FNIP1: variants seen among roughly 807,000 people sequenced by gnomAD.
FNIP1 encodes folliculin-interacting protein 1.
In FNIP1, 40 loss-of-function variants were observed where a neutral mutation model predicts 124.5. The observed-to-expected ratio is 0.32, with a 90% CI of 0.25 to 0.42. FNIP1 has a LOEUF of 0.42. Among genes scored for constraint, FNIP1 ranks in the 10% least tolerant of loss-of-function variants. The pLI is 1.00. For missense variants in FNIP1, 1,176 were observed against 1,403.7 expected (o/e 0.84, Z 2.59); for synonymous variants, 472 against 470.6 (o/e 1.00, Z -0.04).
At position 131,709,257 on chromosome 5, in the gene FNIP1, A is replaced by G. The variant is rs757222872; in HGVS notation, c.722T>C (p.Met241Thr). ...ASFFAVHSNP[M>T]DMPGRELNED... ...ATTGAGCTCTCTTCCAGGCATGTCC[A>G]TTGGGTTGCTGTGAACTATAAATAA... Residue 241 changes from methionine (M) to threonine (T), a missense_variant, in exon 8 of 18, where the codon ATG becomes ACG. Physicochemically the swap from Met to Thr is moderately conservative, Grantham distance 81 (BLOSUM62 -1). Transcript: ENST00000510461. 1 of 1,614,030 alleles carries G rather than the reference A, an allele frequency of 6.2e-7. No homozygotes were observed. The highest frequency in any genetic ancestry group is 1.1e-5 in the South Asian group (1 of 91,088).
At chr5:131,731,902 G>A (rs760750764) in intron 2 of FNIP1, among the ~76,000 whole-genome samples, 1 of 152,120 alleles carries the variant, frequency 6.6e-6, no homozygotes, top group Non-Finnish European at 1.5e-5. Flanking sequence ...AAGGAGAAAT[G>A]CAAATGAGAC....
intron 1 of FNIP1, among the ~76,000 whole-genome samples, chr5:131,767,999 G>T (rs1771496849): frequency 6.6e-6 from 1 of 152,046 alleles, no homozygotes; most frequent in South Asian, 2.1e-4. Context: ...TCTAGTGACT[G>T]TAATTTACAT....
Position 131,647,224 on chromosome 5 carries a change from C to G in FNIP1, c.3307-19G>C, listed in dbSNP as rs1580723276. ...TTACACACTGCAGTTAGGGAGGAAC[C>G]AAGAACCAGGTCAGAAAACAGTTTG... On this transcript the variant is annotated intron_variant, in intron 16 of 17. Transcript: ENST00000510461. 6.3e-7 allele frequency: 1 copy of G among 1,589,806 alleles called. No individual in the cohort carries two copies. The highest frequency in any genetic ancestry group is 2.2e-5 in the East Asian group (1 of 44,718).
chr5:131,784,283 G>A (rs185982651), intron 1 of FNIP1, among the ~76,000 whole-genome samples: 23 of 152,062 alleles, frequency 1.5e-4, no homozygotes, highest in South Asian at 8.3e-4. Context: ...CAAAGAAAAC[G>A]AAACACAAAA....
intron 7 of FNIP1, 68 bp from the exon 8 acceptor site, chr5:131,709,340 T>C: frequency 7.4e-7 from 1 of 1,349,166 alleles, no homozygotes; most frequent in Non-Finnish European, 1.1e-6. Context: ...CAGCTCCTTT[T>C]AAATAGCAAA....
intron 14 of FNIP1, 109 bp from the exon 15 acceptor site, chr5:131,670,740 T>C (rs935252335): frequency 1.3e-6 from 1 of 741,294 alleles, no homozygotes; most frequent in Non-Finnish European, 2.0e-6. Flanking sequence ...CTAGTCTGTA[T>C]TAAAATCAAG....
In FNIP1 at chr5:131,733,650, A is replaced by G. The variant is rs1290619748; in HGVS notation, c.220-2612T>C. 3.3e-5 allele frequency among the ~76,000 whole-genome samples: 5 copies of G among 152,198 alleles called. No individual in the cohort carries two copies. The East Asian group carries it at 5.8e-4, about 18-fold the overall frequency. On this transcript the variant is annotated intron_variant, in intron 2 of 17. Coordinates refer to ENST00000510461, the MANE Select transcript of FNIP1 (RefSeq NM_133372.3). The stretch of plus-strand genomic sequence containing the variant: ...TTACATTTATTGATTTGCGTATGTT[A>G]AACCAGCCTTGCATCCCAGGGATGA...
chr5:131,720,375 C>A (rs1313609632), intron 3 of FNIP1, among the ~76,000 whole-genome samples: 1 of 152,108 alleles, frequency 6.6e-6, no homozygotes, highest in Non-Finnish European at 1.5e-5. Flanking sequence ...CATGTATGAC[C>A]TGAAACTGTA....
At chr5:131,739,812 CAAAAAAAAAAA>C (rs60928249) in intron 2 of FNIP1, among the ~76,000 whole-genome samples, 28 of 31,378 alleles carry the variant, frequency 8.9e-4, no homozygotes, top group African/African-American at 2.6e-3. Context: ...GACTCCAGCT[CAAAAAAAAAAA>C]AAAAAAAAAA....
At chr5:131,694,956 T>C (rs1029989790) in intron 11 of FNIP1, among the ~76,000 whole-genome samples, 7 of 151,850 alleles carry the variant, frequency 4.6e-5, no homozygotes, top group Non-Finnish European at 1.0e-4. Context: ...AATATAAAAA[T>C]TGGCTGGGTG....
chr5:131,695,376 A>G (rs1471529709), intron 11 of FNIP1, among the ~76,000 whole-genome samples: 1 of 152,188 alleles, frequency 6.6e-6, no homozygotes, highest in Non-Finnish European at 1.5e-5. Flanking sequence ...AATAGACAAT[A>G]TAAGAGATAG....
intron 2 of FNIP1, among the ~76,000 whole-genome samples, chr5:131,739,837 A>AAG (rs1561683746): frequency 3.3e-5 from 5 of 150,244 alleles, no homozygotes; most frequent in African/African-American, 1.2e-4. Flanking sequence ...AAAAAAAAAA[A>AAG]CACTGTTTTA....
chr5:131,735,805 G>A (rs1043933876), intron 2 of FNIP1, among the ~76,000 whole-genome samples: 56 of 149,738 alleles, frequency 3.7e-4, no homozygotes, highest in Non-Finnish European at 6.6e-4. Flanking sequence ...ACACTTAAGG[G>A]AATGTGTGTG....
intron 11 of FNIP1, among the ~76,000 whole-genome samples, chr5:131,693,180 G>C (rs1241627619): frequency 1.4e-5 from 2 of 147,024 alleles, no homozygotes; most frequent in Non-Finnish European, 3.0e-5. Flanking sequence ...TAAATAGCTT[G>C]ATTTAGCCAT....
chr5:131,677,337 T>G (rs1767941034), intron 13 of FNIP1, among the ~76,000 whole-genome samples: 1 of 152,218 alleles, frequency 6.6e-6, no homozygotes, highest in Non-Finnish European at 1.5e-5. Context: ...GAAACCTCAG[T>G]GAATTGCTTC....
At chr5:131,701,683 C>T (rs893654389) in intron 10 of FNIP1, among the ~76,000 whole-genome samples, 2 of 152,124 alleles carry the variant, frequency 1.3e-5, no homozygotes, top group African/African-American at 4.8e-5. Flanking sequence ...GAGATACATC[C>T]TTTCCTTTCT....
chr5:131,657,725 T>G (rs1190290891), intron 15 of FNIP1, among the ~76,000 whole-genome samples: 2 of 22,554 alleles, frequency 8.9e-5, no homozygotes, highest in Admixed American at 5.8e-4. Context: ...TGAAAGAGCT[T>G]GAAAATAAGG....
intron 13 of FNIP1, among the ~76,000 whole-genome samples, chr5:131,676,474 T>A (rs1767915991): frequency 6.6e-6 from 1 of 151,914 alleles, no homozygotes; most frequent in Non-Finnish European, 1.5e-5. Flanking sequence ...AAATATGTGT[T>A]GGGCCAGGTG....
intron 1 of FNIP1, among the ~76,000 whole-genome samples, chr5:131,762,683 T>C (rs966430902): frequency 2.6e-5 from 4 of 152,158 alleles, no homozygotes; most frequent in Non-Finnish European, 4.4e-5. Flanking sequence ...GAGAACAGTT[T>C]GGAGGTTCCT....
Sources: allele counts gnomAD v4.1 joint callset (sites outside exome capture counted in the v4.1 genomes callset), GRCh38; gene constraint gnomAD v4.1.1; transcripts MANE v1.5; gene names NCBI Gene and HGNC (gene_info 2026-07-23, HGNC 2026-07-21).